ANO6: variants seen among roughly 807,000 people sequenced by gnomAD.
ANO6 encodes the protein anoctamin 6, also known as anoctamin-6.
Under a neutral mutation model 117.5 loss-of-function variants are expected in ANO6, and 106 were observed. The ratio of observed to expected loss-of-function variants is 0.90; its 90% CI spans 0.77 to 1.06. The LOEUF is 1.06. ANO6 is among the 50% of genes least tolerant of loss of function. The pLI, the probability that ANO6 is intolerant of heterozygous loss-of-function variation, is 0.00. For missense variants in ANO6, 955 were observed against 1,121.1 expected (o/e 0.85, Z 2.12); for synonymous variants, 367 against 385.1 (o/e 0.95, Z 0.55).
intron 9 of ANO6, among the ~76,000 whole-genome samples, chr12:45,371,344 T>G (rs1941829118): frequency 6.6e-6 from 1 of 152,208 alleles, no homozygotes; most frequent in Non-Finnish European, 1.5e-5. Flanking sequence ...AAGCTCGAAC[T>G]TGGTGGACCC....
intron 1 of ANO6, among the ~76,000 whole-genome samples, chr12:45,234,775 A>C (rs563632781): frequency 7.7e-6 from 1 of 130,058 alleles, no homozygotes; most frequent in South Asian, 2.3e-4. Flanking sequence ...GCTACATTCC[A>C]GTCTCTGGAA....
At chr12:45,245,490 G>C (rs1428107469) in intron 1 of ANO6, among the ~76,000 whole-genome samples, 4 of 148,256 alleles carry the variant, frequency 2.7e-5, no homozygotes, top group South Asian at 2.1e-4. Flanking sequence ...TAGTGTCCAT[G>C]GCTCTTTATA....
At chr12:45,280,330 G>C (rs927350060) in intron 1 of ANO6, among the ~76,000 whole-genome samples, 6 of 152,212 alleles carry the variant, frequency 3.9e-5, no homozygotes, top group Non-Finnish European at 8.8e-5. Context: ...AGTGTGCTCA[G>C]CTGTGGTCAG....
chr12:45,346,300 C>T (rs1317814824), intron 3 of ANO6, among the ~76,000 whole-genome samples: 4 of 152,152 alleles, frequency 2.6e-5, no homozygotes, highest in African/African-American at 4.8e-5. Context: ...AACAAGTCTC[C>T]ATCTTTGCAT....
At chr12:45,293,129 C>A (rs1939160091) in intron 1 of ANO6, among the ~76,000 whole-genome samples, 1 of 152,240 alleles carries the variant, frequency 6.6e-6, no homozygotes, top group Non-Finnish European at 1.5e-5. Flanking sequence ...AATAGAAGCA[C>A]TCTCTTATTA....
intron 1 of ANO6, among the ~76,000 whole-genome samples, chr12:45,295,942 A>C (rs528997847): frequency 4.3e-4 from 65 of 152,148 alleles, no homozygotes; most frequent in Admixed American, 9.8e-4. Flanking sequence ...GCTCACTGCA[A>C]CTTCAGCCTC....
chr12:45,340,808 G>A (rs1211592764), intron 3 of ANO6, among the ~76,000 whole-genome samples: 3 of 152,126 alleles, frequency 2.0e-5, no homozygotes, highest in Non-Finnish European at 4.4e-5. Flanking sequence ...CTACAGTGAA[G>A]TAAAGATGAT....
intron 1 of ANO6, among the ~76,000 whole-genome samples, chr12:45,224,124 C>T (rs1947445689): frequency 6.6e-6 from 1 of 152,160 alleles, no homozygotes; most frequent in Admixed American, 6.5e-5. Flanking sequence ...GTGATTAATA[C>T]TGTAATCAAG....
intron 1 of ANO6, among the ~76,000 whole-genome samples, chr12:45,259,456 G>A (rs1937947747): frequency 6.6e-6 from 1 of 152,202 alleles, no homozygotes; most frequent in African/African-American, 2.4e-5. Flanking sequence ...CCCTAGAAAT[G>A]GATAAGGTGA....
intron 1 of ANO6, among the ~76,000 whole-genome samples, chr12:45,272,188 T>A (rs539213234): frequency 4.4e-4 from 66 of 151,336 alleles, no homozygotes; most frequent in African/African-American, 1.6e-3. Context: ...CTTTTTGGGT[T>A]TTTTTTTCTT....
chr12:45,375,467 A>G (rs1241463408), intron 9 of ANO6, among the ~76,000 whole-genome samples: 3 of 152,236 alleles, frequency 2.0e-5, no homozygotes, highest in East Asian at 1.9e-4. Flanking sequence ...CTACAAGGCT[A>G]CAGTAACCAA....
In ANO6 at chr12:45,403,239, G is replaced by A. The variant is rs1348134036; in HGVS notation, c.1780G>A (p.Glu594Lys). Residue 594 changes from glutamate to lysine, a missense_variant and splice_region_variant, in exon 14 of 20, where the codon GAG becomes AAG. Coordinates refer to ENST00000320560, the MANE Select transcript of ANO6 (RefSeq NM_001025356.3). ...VYWLGKYRNE[E>K]CDPGGCLLEL... ...TTGGTTGGGAAAATACAGAAATGAAGAGGTATGAATATATAATTGTATTAT... is the reference window on the plus strand; with the variant it reads ...TTGGTTGGGAAAATACAGAAATGAAAAGGTATGAATATATAATTGTATTAT... 2 of 1,613,614 alleles carry A rather than the reference G, an allele frequency of 1.2e-6. No homozygotes were observed. Among genetic ancestry groups the A allele is most frequent in the Admixed American group, 1.7e-5 (1 of 59,990 alleles).
At chr12:45,375,007 C>T (rs1308145708) in intron 9 of ANO6, among the ~76,000 whole-genome samples, 1 of 151,528 alleles carries the variant, frequency 6.6e-6, no homozygotes, top group Non-Finnish European at 1.5e-5. Context: ...TCAGCAAAGT[C>T]TCAGGATACA....
At chr12:45,351,936 G>C (rs1941290567) in intron 7 of ANO6, among the ~76,000 whole-genome samples, 1 of 152,134 alleles carries the variant, frequency 6.6e-6, no homozygotes, top group Non-Finnish European at 1.5e-5. Flanking sequence ...GAGACCACTA[G>C]GTAGGAGGCT....
intron 9 of ANO6, among the ~76,000 whole-genome samples, chr12:45,368,040 A>G (rs1425183956): frequency 6.6e-6 from 1 of 152,226 alleles, no homozygotes; most frequent in African/African-American, 2.4e-5. Flanking sequence ...AATCTAAACT[A>G]TTTGAGTATT....
At chr12:45,247,874 C>T (rs1396425540) in intron 1 of ANO6, among the ~76,000 whole-genome samples, 1 of 152,120 alleles carries the variant, frequency 6.6e-6, no homozygotes, top group Non-Finnish European at 1.5e-5. Context: ...GTTAGAGCTT[C>T]AACATATACA....
chr12:45,264,640 AGTTGG>A lies in ANO6; in HGVS notation c.71-37373_71-37369del, dbSNP rs765578545. On this transcript the variant is annotated intron_variant, in intron 1 of 19. Coordinates refer to ENST00000320560, the MANE Select transcript of ANO6 (RefSeq NM_001025356.3). ...TGAAACATTAATTTTACCAATGGTTAGTTGGTGAAACCTGACTGTGGATACATACA... is the reference window on the plus strand; with the variant it reads ...TGAAACATTAATTTTACCAATGGTTATGAAACCTGACTGTGGATACATACA... Among the ~76,000 whole-genome samples the A allele has an allele frequency of 3.0e-4, 46 of 152,238 alleles. 1 individual carries two copies. The highest frequency in any genetic ancestry group is 5.2e-4 in the Admixed American group (8 of 15,288).
chr12:45,295,794 C>A (rs1939273532), intron 1 of ANO6, among the ~76,000 whole-genome samples: 1 of 152,014 alleles, frequency 6.6e-6, no homozygotes, highest in Non-Finnish European at 1.5e-5. Context: ...CTCCTTACCT[C>A]AAGTGATCCG....
chr12:45,424,327 G>GTTTTTT lies in ANO6; in HGVS notation c.2526+1288_2526+1293dup, dbSNP rs66945216. Among the ~76,000 whole-genome samples the GTTTTTT allele has an allele frequency of 1.5e-3, 120 of 81,264 alleles. 24 individuals carry two copies. The highest frequency in any genetic ancestry group is 5.5e-3 in the African/African-American group (112 of 20,274). 53.3% of individuals were successfully genotyped at this position (81,264 alleles called of 152,430 possible). A position where few individuals can be genotyped will look rare whatever the true frequency, so the allele number is the denominator to read the frequency against. On this transcript the variant is annotated intron_variant, in intron 19 of 19. Transcript: ENST00000320560. ...AGAGAGAGGGAAAACTAGGTGATGGGTTTTTTTTTTTTTTTTTTTTTTTTT... is the reference window on the plus strand; with the variant it reads ...AGAGAGAGGGAAAACTAGGTGATGGGTTTTTTTTTTTTTTTTTTTTTTTTTTTTTTT...
Sources: allele counts gnomAD v4.1 joint callset (sites outside exome capture counted in the v4.1 genomes callset), GRCh38; gene constraint gnomAD v4.1.1; transcripts MANE v1.5; gene names NCBI Gene and HGNC (gene_info 2026-07-23, HGNC 2026-07-21).